RPH3A: variants seen among roughly 807,000 people sequenced by gnomAD.
RPH3A encodes rabphilin 3A, also known as rabphilin-3A.
Under a neutral mutation model 102.2 loss-of-function variants are expected in RPH3A, and 48 were observed. That is an observed-to-expected ratio of 0.47 (90% CI 0.37 to 0.60). The LOEUF (loss-of-function observed/expected upper bound fraction) is 0.60, where lower values mean the gene tolerates loss of function less well. Ranked by LOEUF, RPH3A falls within the 20% of genes least tolerant of loss-of-function variation. RPH3A has a pLI of 0.00. For missense variants in RPH3A, 781 were observed against 910.1 expected (o/e 0.86, Z 1.83); for synonymous variants, 310 against 324.3 (o/e 0.96, Z 0.47).
chr12:112,869,623 T>A lies in RPH3A; in HGVS notation c.611-136T>A, dbSNP rs2042670974. 26 of 831,316 alleles carry A rather than the reference T, an allele frequency of 3.1e-5. No homozygotes were observed. In the South Asian group the frequency reaches 4.6e-4, roughly 15 times the overall value. 51.5% of individuals were successfully genotyped at this position (831,316 alleles called of 1,614,324 possible). A position where few individuals can be genotyped will look rare whatever the true frequency, so the allele number is the denominator to read the frequency against. On this transcript the variant is annotated intron_variant, in intron 8 of 21. Coordinates refer to ENST00000389385, the MANE Select transcript of RPH3A (RefSeq NM_001143854.2). ...AACAGGAGCTAGATCAAAGAGGAGGTTGGGAGAAAGACTTTTAATTTTTAA... is the reference window on the plus strand; with the variant it reads ...AACAGGAGCTAGATCAAAGAGGAGGATGGGAGAAAGACTTTTAATTTTTAA...
chr12:112,750,317 A>T (rs1377432495), intron 1 of RPH3A, among the ~76,000 whole-genome samples: 1 of 152,196 alleles, frequency 6.6e-6, no homozygotes, highest in Non-Finnish European at 1.5e-5. Flanking sequence ...CCCAGGAAAC[A>T]CTAGGAGGGG....
At chr12:112,598,900 C>G (rs1476074682) in intron 1 of RPH3A, among the ~76,000 whole-genome samples, 4 of 152,100 alleles carry the variant, frequency 2.6e-5, no homozygotes. Context: ...CTTGTATAGA[C>G]CTTGTAATTA....
rs191849272 is a variant in RPH3A at position 112,726,538 on chromosome 12, C to A, written c.-139-65605C>A. Among the ~76,000 whole-genome samples, 304 of 152,208 alleles carry A rather than the reference C, an allele frequency of 2.0e-3. 5 individuals are homozygous for A. Among genetic ancestry groups the A allele is most frequent in the African/African-American group, 7.2e-3 (299 of 41,526 alleles). On this transcript the variant is annotated intron_variant, in intron 1 of 21. Coordinates refer to the RPH3A transcript ENST00000543106. ...TACCTTTATTATGAAAATTTGTAAA[C>A]CAACAAAAAGCAGAAATAATACTAC... is the stretch of plus-strand genomic sequence containing the variant.
intron 1 of RPH3A, among the ~76,000 whole-genome samples, chr12:112,654,075 T>C (rs1036221901): frequency 4.6e-5 from 7 of 152,220 alleles, no homozygotes; most frequent in Non-Finnish European, 1.0e-4. Flanking sequence ...TGCACGGAGC[T>C]GTCCTCTCCT....
At chr12:112,678,449 C>T (rs2040203511) in intron 1 of RPH3A, among the ~76,000 whole-genome samples, 1 of 151,698 alleles carries the variant, frequency 6.6e-6, no homozygotes, top group Admixed American at 6.6e-5. Flanking sequence ...ACTTGATCGG[C>T]CTTGAATATC....
At chr12:112,716,428 T>C (rs1440912478) in intron 1 of RPH3A, among the ~76,000 whole-genome samples, 5 of 152,250 alleles carry the variant, frequency 3.3e-5, no homozygotes, top group Admixed American at 2.0e-4. Context: ...GTTTGCCTGC[T>C]TTAACAGTGG....
chr12:112,688,552 G>T (rs2040284723), intron 1 of RPH3A, among the ~76,000 whole-genome samples: 1 of 152,092 alleles, frequency 6.6e-6, no homozygotes, highest in Admixed American at 6.5e-5. Context: ...ACACATACCT[G>T]TTAAAGCCCA....
chr12:112,717,401 T>G (rs1173778004), intron 1 of RPH3A, among the ~76,000 whole-genome samples: 1 of 152,180 alleles, frequency 6.6e-6, no homozygotes, highest in African/African-American at 2.4e-5. Flanking sequence ...CATGAAATAT[T>G]GTAATATACA....
intron 1 of RPH3A, among the ~76,000 whole-genome samples, chr12:112,716,290 A>C (rs1368781301): frequency 6.6e-6 from 1 of 152,136 alleles, no homozygotes; most frequent in Non-Finnish European, 1.5e-5. Context: ...CAGCCTCTAC[A>C]CAAGATGGAG....
At chr12:112,755,198 C>T (rs756962020) in intron 1 of RPH3A, among the ~76,000 whole-genome samples, 3 of 151,968 alleles carry the variant, frequency 2.0e-5, no homozygotes, top group South Asian at 2.1e-4. Context: ...TCATCTAGTT[C>T]TCACTTCTCC....
At position 112,767,825 on chromosome 12, in the gene RPH3A, C is replaced by A. The variant is rs2040900983; in HGVS notation, c.-139-24318C>A. On this transcript the variant is annotated intron_variant, in intron 1 of 21. Transcript: ENST00000543106. ...GAATATGTGCTACATCACGATGAACCTTAAAAAAAATCATGCTAAGTGAAA... is the reference window on the plus strand; with the variant it reads ...GAATATGTGCTACATCACGATGAACATTAAAAAAAATCATGCTAAGTGAAA... 2.0e-5 allele frequency among the ~76,000 whole-genome samples: 3 copies of A among 152,186 alleles called. No individual in the cohort carries two copies. The South Asian group carries it at 6.2e-4, about 32-fold the overall frequency.
intron 4 of RPH3A, among the ~76,000 whole-genome samples, chr12:112,844,072 C>A (rs761391701): frequency 6.6e-6 from 1 of 152,218 alleles, no homozygotes; most frequent in African/African-American, 2.4e-5. Context: ...GGAAGGATAT[C>A]TGTCAGGAAT....
At chr12:112,736,398 C>T (rs1438893620) in intron 1 of RPH3A, among the ~76,000 whole-genome samples, 1 of 152,206 alleles carries the variant, frequency 6.6e-6, no homozygotes, top group Non-Finnish European at 1.5e-5. Context: ...ACTTATTTGC[C>T]TTCTGACTGT....
intron 1 of RPH3A, among the ~76,000 whole-genome samples, chr12:112,708,573 G>A (rs752569627): frequency 2.6e-5 from 4 of 152,202 alleles, no homozygotes; most frequent in Non-Finnish European, 5.9e-5. Flanking sequence ...CAGTGGGGTT[G>A]TGGGTCCATT....
At chr12:112,827,689 T>TA (rs1387352258) in intron 2 of RPH3A, among the ~76,000 whole-genome samples, 8 of 151,754 alleles carry the variant, frequency 5.3e-5, no homozygotes, top group South Asian at 4.2e-4. Flanking sequence ...TATTTTTTTT[T>TA]AAAAAAGGCA....
chr12:112,691,357 G>A (rs972272086), intron 1 of RPH3A, among the ~76,000 whole-genome samples: 21 of 152,190 alleles, frequency 1.4e-4, no homozygotes, highest in Admixed American at 1.3e-4. Context: ...TCTCTAGGGG[G>A]AGGACTGAAA....
chr12:112,876,610 G>A, intron 12 of RPH3A, 32 bp from the exon 13 acceptor site: 1 of 1,467,670 alleles, frequency 6.8e-7, no homozygotes, highest in Non-Finnish European at 9.3e-7. Context: ...CAGGGATGCA[G>A]CTGCATGTTT....
intron 1 of RPH3A, among the ~76,000 whole-genome samples, chr12:112,617,329 C>A (rs2039688228): frequency 6.6e-6 from 1 of 152,158 alleles, no homozygotes; most frequent in South Asian, 2.1e-4. Flanking sequence ...ATCCCAGGCT[C>A]CTTGGGGTGG....
At chr12:112,700,695 A>G (rs144218608) in intron 1 of RPH3A, among the ~76,000 whole-genome samples, 36 of 152,160 alleles carry the variant, frequency 2.4e-4, no homozygotes, top group African/African-American at 8.7e-4. Flanking sequence ...TTTTCTCTAC[A>G]CTTACACCTT....
Sources: allele counts gnomAD v4.1 joint callset (sites outside exome capture counted in the v4.1 genomes callset), GRCh38; gene constraint gnomAD v4.1.1; transcripts MANE v1.5; gene names NCBI Gene and HGNC (gene_info 2026-07-23, HGNC 2026-07-21).